The following NDST3 variants were observed in gnomAD, a reference collection of about 807,000 sequenced individuals.
The protein encoded by NDST3 is N-deacetylase and N-sulfotransferase 3.
In NDST3, 58 loss-of-function variants were observed where a neutral mutation model predicts 96.1. That is an observed-to-expected ratio of 0.60 (90% CI 0.49 to 0.75). The LOEUF is 0.75. NDST3 is among the 30% of genes least tolerant of loss of function. The pLI is 0.00. For missense variants in NDST3, 788 were observed against 1,034.2 expected (o/e 0.76, Z 3.27); for synonymous variants, 333 against 359.7 (o/e 0.93, Z 0.84).
At chr4:118,064,391 A>T (rs1726136840) in intron 2 of NDST3, among the ~76,000 whole-genome samples, 1 of 152,156 alleles carries the variant, frequency 6.6e-6, no homozygotes, top group African/African-American at 2.4e-5. Context: ...TCCATGAATA[A>T]TGAAACTGGA....
intron 6 of NDST3, among the ~76,000 whole-genome samples, chr4:118,202,652 T>C (rs1738165295): frequency 6.6e-6 from 1 of 152,228 alleles, no homozygotes; most frequent in Non-Finnish European, 1.5e-5. Flanking sequence ...TACTGATTTT[T>C]ATACAATGAT....
intron 8 of NDST3, among the ~76,000 whole-genome samples, chr4:118,228,748 C>G (rs1298665181): frequency 1.3e-5 from 2 of 152,118 alleles, no homozygotes; most frequent in Non-Finnish European, 2.9e-5. Context: ...CTATCCCCCC[C>G]GATCCCCACC....
intron 2 of NDST3, among the ~76,000 whole-genome samples, chr4:118,085,005 T>C (rs1728307793): frequency 6.6e-6 from 1 of 152,048 alleles, no homozygotes; most frequent in African/African-American, 2.4e-5. Flanking sequence ...GCACCTGTAG[T>C]CCCAGGTACT....
chr4:118,189,596 T>A (rs1737173715), intron 6 of NDST3, among the ~76,000 whole-genome samples: 1 of 152,212 alleles, frequency 6.6e-6, no homozygotes, highest in African/African-American at 2.4e-5. Context: ...AATAGTCATT[T>A]TTTTAGCCAA....
intron 2 of NDST3, among the ~76,000 whole-genome samples, chr4:118,082,749 C>T (rs1198440304): frequency 2.0e-5 from 3 of 152,146 alleles, no homozygotes; most frequent in Non-Finnish European, 2.9e-5. Flanking sequence ...AGTCTGTTCT[C>T]GCATTGCTAT....
At chr4:118,192,267 T>G (rs1737357137) in intron 6 of NDST3, among the ~76,000 whole-genome samples, 1 of 152,226 alleles carries the variant, frequency 6.6e-6, no homozygotes, top group Non-Finnish European at 1.5e-5. Flanking sequence ...TTTCCTTCAC[T>G]GTGCAGAAGC....
chr4:118,061,448 C>T (rs919228924), intron 2 of NDST3, among the ~76,000 whole-genome samples: 43 of 152,260 alleles, frequency 2.8e-4, no homozygotes, highest in Admixed American at 7.2e-4. Flanking sequence ...TTTTGTGCAT[C>T]TCCTTCTAGC....
At chr4:118,115,175 C>T (rs1730986945) in intron 4 of NDST3, among the ~76,000 whole-genome samples, 1 of 152,098 alleles carries the variant, frequency 6.6e-6, no homozygotes, top group Non-Finnish European at 1.5e-5. Flanking sequence ...TGAGAGGGAC[C>T]TCACAAAATA....
At chr4:118,099,679 T>C (rs1364129199) in intron 2 of NDST3, among the ~76,000 whole-genome samples, 1 of 152,090 alleles carries the variant, frequency 6.6e-6, no homozygotes, top group African/African-American at 2.4e-5. Flanking sequence ...ATTTCCCTGC[T>C]GAATGTCAAT....
chr4:118,216,156 A>T (rs1430226395), intron 6 of NDST3, among the ~76,000 whole-genome samples: 1 of 152,136 alleles, frequency 6.6e-6, no homozygotes, highest in African/African-American at 2.4e-5. Flanking sequence ...CATTGAAAGC[A>T]GAAAGATGAT....
In NDST3 at chr4:118,138,201, G is replaced by C; in HGVS notation, c.1372G>C (p.Ala458Pro). 6.2e-7 allele frequency: 1 copy of C among 1,613,940 alleles called. No individual in the cohort carries two copies. Among genetic ancestry groups the C allele is most frequent in the Non-Finnish European group, 8.5e-7 (1 of 1,179,896 alleles). The part of the protein sequence containing the change: ...STEEYPHLKP[A>P]RYRRGFIHKN... ...TGAAGAATATCCACATCTGAAGCCA[G>C]CTAGATACCGGAGGGGTTTTATCCA... Residue 458 changes from alanine (A) to proline (P), a missense_variant, in exon 5 of 14, where the codon GCT becomes CCT. Physicochemically the swap from Ala to Pro is conservative, Grantham distance 27. Around this residue, in one of 3 missense-constraint regions of NDST3, gnomAD observed 490 missense variants for 708.8 expected, o/e 0.69. Transcript: ENST00000296499.
intron 2 of NDST3, among the ~76,000 whole-genome samples, chr4:118,097,710 C>G (rs1258181204): frequency 1.3e-5 from 2 of 151,858 alleles, no homozygotes; most frequent in African/African-American, 4.8e-5. Flanking sequence ...TTTCTAATTA[C>G]TTTTTCCAAT....
At chr4:118,249,729 C>T (rs1741539550) in intron 12 of NDST3, among the ~76,000 whole-genome samples, 1 of 139,494 alleles carries the variant, frequency 7.2e-6, no homozygotes, top group African/African-American at 2.7e-5. Flanking sequence ...TACAGCCCCA[C>T]ATACACACAC....
rs545914464 is a variant in NDST3 at position 118,180,065 on chromosome 4, G to A, written c.1539+36381G>A. On this transcript the variant is annotated intron_variant, in intron 6 of 13. Transcript: ENST00000296499. ...AGAGGGGGAGTGGAGGAAGAGGAGAGGTAAGAGCCAAAGACAAAGAAATAG... is the reference window on the plus strand; with the variant it reads ...AGAGGGGGAGTGGAGGAAGAGGAGAAGTAAGAGCCAAAGACAAAGAAATAG... Among the ~76,000 whole-genome samples, 16 of 152,084 alleles carry A rather than the reference G, an allele frequency of 1.1e-4. No individual in the cohort carries two copies. The South Asian group carries it at 3.3e-3, about 32-fold the overall frequency.
chr4:118,194,029 A>ACTCTTGAGG (rs1423071699), intron 6 of NDST3: 2 of 1,362,280 alleles, frequency 1.5e-6, no homozygotes, highest in African/African-American at 2.9e-5. Flanking sequence ...TCTTTTCAAA[A>ACTCTTGAGG]CTCTTGAGGT....
chr4:118,155,594 A>T (rs191795715), intron 6 of NDST3, among the ~76,000 whole-genome samples: 129 of 152,332 alleles, frequency 8.5e-4, no homozygotes, highest in African/African-American at 2.8e-3. Flanking sequence ...TTAATATTAA[A>T]GTTCTTTGGT....
In NDST3 at chr4:118,105,001, TA is replaced by T; in HGVS notation, c.982-14del. 2 of 1,606,188 alleles carry T rather than the reference TA, an allele frequency of 1.2e-6. No individual in the cohort carries two copies. The highest frequency in any genetic ancestry group is 1.7e-6 in the Non-Finnish European group (2 of 1,174,598). ...GCCATTCTTTACCTGATACATTTTT[TA>T]AATTATGTATTTCAGGCCCTGCTTG... is the stretch of plus-strand genomic sequence containing the variant. On this transcript the variant is annotated splice_polypyrimidine_tract_variant and intron_variant, in intron 2 of 13. Coordinates refer to ENST00000296499, the MANE Select transcript of NDST3 (RefSeq NM_004784.3).
intron 6 of NDST3, among the ~76,000 whole-genome samples, chr4:118,156,448 C>T (rs1333468183): frequency 6.6e-6 from 1 of 152,146 alleles, no homozygotes; most frequent in Non-Finnish European, 1.5e-5. Context: ...GACATCATGC[C>T]TTATTCTATT....
At chr4:118,058,678 A>C (rs758661504) in intron 2 of NDST3, among the ~76,000 whole-genome samples, 207 of 151,050 alleles carry the variant, frequency 1.4e-3, no homozygotes, top group Non-Finnish European at 2.7e-3. Context: ...CCATTGGACT[A>C]TTGGATGAGT....
Sources: allele counts gnomAD v4.1 joint callset (sites outside exome capture counted in the v4.1 genomes callset), GRCh38; gene constraint gnomAD v4.1.1; regional missense constraint gnomAD v4.1.1; transcripts MANE v1.5; gene names NCBI Gene and HGNC (gene_info 2026-07-23, HGNC 2026-07-21).